MYBBP1A: variants seen among roughly 807,000 people sequenced by gnomAD.
MYBBP1A encodes myb-binding protein 1A.
Under a neutral mutation model 136.3 loss-of-function variants are expected in MYBBP1A, and 147 were observed. The observed-to-expected ratio is 1.08, with a 90% CI of 0.94 to 1.24. MYBBP1A has a LOEUF of 1.24. MYBBP1A is among the 50% of genes most tolerant of loss of function. The probability of loss-of-function intolerance (pLI) is 0.00; values close to 1 mark genes in which losing one functional copy is unlikely to be tolerated. For missense variants in MYBBP1A, 2,060 were observed against 1,727.4 expected (o/e 1.19, Z -3.41); for synonymous variants, 947 against 735.8 (o/e 1.29, Z -4.65).
chr17:4,548,772 G>C lies in MYBBP1A; in HGVS notation c.1431-123C>G. 1.4e-6 allele frequency: 2 copies of C among 1,381,592 alleles called. No homozygotes were observed. The highest frequency in any genetic ancestry group is 2.0e-6 in the Non-Finnish European group (2 of 1,011,084). The allele number at this position is 1,381,592 out of a possible 1,614,324, so 85.6% of individuals were successfully genotyped here. Reference sequence around the variant, plus strand: ...GAGGAGGAGCCGCCCTTCTGCCCTGGGTACAGTCCTCGGGGGCCTGACGGG... The same window carrying C: ...GAGGAGGAGCCGCCCTTCTGCCCTGCGTACAGTCCTCGGGGGCCTGACGGG... On this transcript the variant is annotated intron_variant, in intron 10 of 25. Coordinates refer to ENST00000254718, the MANE Select transcript of MYBBP1A (RefSeq NM_014520.4). This position sits in a 1 kb window ranked among gnomAD's most constrained non-coding sequence, Gnocchi z 4.2.
intron 3 of MYBBP1A, 36 bp downstream of exon 3, chr17:4,554,159 C>T (rs781538899): frequency 1.2e-6 from 2 of 1,612,380 alleles, no homozygotes; most frequent in Non-Finnish European, 1.7e-6. Context: ...AGCCTCCCAC[C>T]CCTGGGGCTG....
At position 4,545,627 on chromosome 17, in the gene MYBBP1A, G is replaced by A; in HGVS notation, c.2056C>T (p.Leu686=). 6.3e-7 allele frequency: 1 copy of A among 1,595,886 alleles called. No homozygotes were observed. Among genetic ancestry groups the A allele is most frequent in the East Asian group, 2.2e-5 (1 of 44,466 alleles). Residue 686 remains leucine, a synonymous_variant, in exon 15 of 26, where the codon CTG becomes TTG. Transcript: ENST00000254718. ...HICSHLTPRA[L]QLILDVLNPE... is the part of the protein sequence containing the mutation. The stretch of plus-strand genomic sequence containing the variant: ...CAACTCACATCCAGAATTAGCTGCA[G>A]GGCACGCGGGGTCAGGTGGGAGCAG...
chr17:4,550,916 TGA>T (rs1205918236), intron 8 of MYBBP1A, among the ~76,000 whole-genome samples: 4 of 152,366 alleles, frequency 2.6e-5, no homozygotes, highest in South Asian at 2.1e-4. Context: ...GTGAGTACAG[TGA>T]GACACAAAAA....
chr17:4,545,265 A>C lies in MYBBP1A; in HGVS notation c.2154T>G (p.Gly718=), dbSNP rs764604382. The C allele has an allele frequency of 8.1e-6, 13 of 1,606,436 alleles. No individual in the cohort carries two copies. In the South Asian group the frequency reaches 1.1e-4, roughly 14 times the overall value. The change falls in exon 16 of 26, where the codon GGT becomes GGG. Residue 718 remains glycine (G), a synonymous_variant. Coordinates refer to ENST00000254718, the MANE Select transcript of MYBBP1A (RefSeq NM_014520.4). ...TDDSDERRLK[G]AEDKSEEGED... is the part of the protein sequence containing the mutation. ...CGGCCCATGCTGGCAACACCTCTGC[A>C]CCCTTCAGCCGCCGCTCATCAGAAT...
Position 4,548,601 on chromosome 17 carries a change from CTGGGATG to C in MYBBP1A, c.1472_1478del (p.Thr491ArgfsTer61), listed in dbSNP as rs774070690. The C allele has an allele frequency of 3.1e-6, 5 of 1,614,220 alleles. No homozygotes were observed. In the Admixed American group the frequency reaches 5.0e-5, roughly 16 times the overall value. The stretch of plus-strand genomic sequence containing the variant: ...AGAACGGGTGCTTTGTCTCAGGGAT[CTGGGATG>C]TGGGCTTCTTTGTGACAAAGAACGA... On this transcript the variant is annotated frameshift_variant, in exon 11 of 26. Transcript: ENST00000254718. LOFTEE classifies it high-confidence loss of function. This position sits in a 1 kb window ranked among gnomAD's most constrained non-coding sequence, Gnocchi z 4.2.
At chr17:4,543,619 A>G (rs1296636582) in intron 19 of MYBBP1A, among the ~76,000 whole-genome samples, 5 of 152,102 alleles carry the variant, frequency 3.3e-5, no homozygotes, top group African/African-American at 1.2e-4. Context: ...ACTATCTGAG[A>G]AGGCGTGGCC....
At chr17:4,541,747 C>T in intron 23 of MYBBP1A, 37 bp downstream of exon 23, 1 of 1,569,952 alleles carries the variant, frequency 6.4e-7, no homozygotes, top group Non-Finnish European at 8.8e-7. Context: ...AGAACTGATT[C>T]TGAGGGGGTG....
intron 23 of MYBBP1A, 21 bp from the exon 24 acceptor site, chr17:4,541,585 T>A: frequency 6.2e-7 from 1 of 1,607,278 alleles, no homozygotes; most frequent in Non-Finnish European, 8.5e-7. Flanking sequence ...GTGGCCAGGC[T>A]GAGGCACTCC....
chr17:4,549,444 T>C lies in MYBBP1A; in HGVS notation c.1320-2A>G. ...AGCCGGAACACAGCTCGCTCAGGCC[T>C]AGCGGGGCAGGAGGCGAGGTCATGT... On this transcript the variant is annotated splice_acceptor_variant, in intron 9 of 25. Coordinates refer to ENST00000254718, the MANE Select transcript of MYBBP1A (RefSeq NM_014520.4). LOFTEE classifies it high-confidence loss of function. 6.2e-7 allele frequency: 1 copy of C among 1,612,032 alleles called. No individual in the cohort carries two copies.
Position 4,547,736 on chromosome 17 carries a change from G to C in MYBBP1A, c.1824+222C>G, listed in dbSNP as rs147171396. 11 of 476,212 alleles carry C rather than the reference G, an allele frequency of 2.3e-5. 1 individual carries two copies. Among genetic ancestry groups the C allele is most frequent in the African/African-American group, 2.0e-4 (10 of 50,704 alleles). The allele number at this position is 476,212 out of a possible 1,614,324, so 29.5% of individuals were successfully genotyped here. A position where few individuals can be genotyped will look rare whatever the true frequency, so the allele number is the denominator to read the frequency against. On this transcript the variant is annotated intron_variant, in intron 13 of 25. Transcript: ENST00000254718. Reference sequence around the variant, plus strand: ...GGGGTGTCTGCCTCAAAGCTGTGGGGATTACGAGATCCTGCATGGAAAGCC... The same window carrying C: ...GGGGTGTCTGCCTCAAAGCTGTGGGCATTACGAGATCCTGCATGGAAAGCC...
chr17:4,549,881 G>A (rs1329382187), intron 9 of MYBBP1A, among the ~76,000 whole-genome samples, 177 bp downstream of exon 9: 2 of 149,858 alleles, frequency 1.3e-5, no homozygotes, highest in African/African-American at 4.9e-5. Flanking sequence ...CATCCCGATC[G>A]CCAGTGTGGG....
intron 10 of MYBBP1A, 36 bp downstream of exon 10, chr17:4,549,296 G>T: frequency 6.3e-7 from 1 of 1,592,446 alleles, no homozygotes; most frequent in Non-Finnish European, 8.5e-7. Flanking sequence ...TTGGCCACAC[G>T]CCCATGGGAA....
rs147545597 is a variant in MYBBP1A at position 4,554,227 on chromosome 17, G to C, written c.346C>G (p.Gln116Glu). Residue 116 changes from glutamine to glutamate, a missense_variant, in exon 3 of 26, where the codon CAA becomes GAA. By Grantham distance (29) the Gln-to-Glu change is conservative (BLOSUM62 2). Coordinates refer to ENST00000254718, the MANE Select transcript of MYBBP1A (RefSeq NM_014520.4). ...ACCTGATGCAGGTCATATTTTTCTT[G>C]TATCTGCTGCAGGATGCTGCACAAG... ...LPLCSILQQI[Q>E]EKYDLHQVKK... 13 of 1,614,028 alleles carry C rather than the reference G, an allele frequency of 8.1e-6. No homozygotes were observed. Among genetic ancestry groups the C allele is most frequent in the Admixed American group, 1.7e-5 (1 of 60,010 alleles).
rs748232224 is a variant in MYBBP1A, at chr17:4,555,120, A to C, written c.198+7T>G. On this transcript the variant is annotated splice_region_variant and intron_variant, in intron 1 of 25. Coordinates refer to ENST00000254718, the MANE Select transcript of MYBBP1A (RefSeq NM_014520.4). ...CGCAGCCTCTGCCCCAGACCCCGCC[A>C]CTCCACCTTCGGCCTGCCACGCAGA... 12 of 1,582,078 alleles carry C rather than the reference A, an allele frequency of 7.6e-6. No homozygotes were observed. The highest frequency in any genetic ancestry group is 1.0e-5 in the Non-Finnish European group (12 of 1,164,168).
In MYBBP1A at chr17:4,555,366, C is replaced by A; in HGVS notation, c.-42G>T. On this transcript the variant is annotated 5_prime_UTR_variant, in exon 1 of 26. Coordinates refer to ENST00000254718, the MANE Select transcript of MYBBP1A (RefSeq NM_014520.4). ...GAAACACGAAACACGTGTGCTCCGGCCCCAGCCGCTTCCAGGTCAGGGCAC... is the reference window on the plus strand; with the variant it reads ...GAAACACGAAACACGTGTGCTCCGGACCCAGCCGCTTCCAGGTCAGGGCAC... The A allele has an allele frequency of 1.9e-6, 3 of 1,558,176 alleles. No homozygotes were observed. The highest frequency in any genetic ancestry group is 2.3e-5 in the South Asian group (2 of 85,118).
At chr17:4,543,565 G>A (rs767787253) in intron 19 of MYBBP1A, among the ~76,000 whole-genome samples, 13 of 152,140 alleles carry the variant, frequency 8.5e-5, no homozygotes, top group Non-Finnish European at 1.9e-4. Flanking sequence ...GGGGGCAAGA[G>A]GCAGGATGCT....
chr17:4,542,624 GGGA>G lies in MYBBP1A; in HGVS notation c.3007_3009del (p.Ser1003del), dbSNP rs1567604589. On this transcript the variant is annotated inframe_deletion, in exon 21 of 26. Coordinates refer to ENST00000254718, the MANE Select transcript of MYBBP1A (RefSeq NM_014520.4). ...CAGGCCCCAACACTCACCGGGTGCC[GGGA>G]GAAGAGGCTGAGGAACATGGGAACT... 2 of 1,613,984 alleles carry G rather than the reference GGGA, an allele frequency of 1.2e-6. No homozygotes were observed. The highest frequency in any genetic ancestry group is 1.7e-6 in the Non-Finnish European group (2 of 1,179,914).
chr17:4,554,306 G>A lies in MYBBP1A; in HGVS notation c.295-28C>T, dbSNP rs898462936. 11 of 1,599,838 alleles carry A rather than the reference G, an allele frequency of 6.9e-6. No homozygotes were observed. In the East Asian group the frequency reaches 1.8e-4, roughly 26 times the overall value. ...GCCAGGAGTTGTGTGGCAGGAGGAA[G>A]AGGGTTCAGGAGAGTGGCCCAACTA... On this transcript the variant is annotated intron_variant, in intron 2 of 25. Coordinates refer to ENST00000254718, the MANE Select transcript of MYBBP1A (RefSeq NM_014520.4).
chr17:4,548,571 G>A lies in MYBBP1A; in HGVS notation c.1509C>T (p.Phe503=). ...QIPETKHPFS[F]PLENQAREAV... ...CCTCTCGGGCCTGGTTTTCCAAAGG[G>A]AAGGAGAACGGGTGCTTTGTCTCAG... The change falls in exon 11 of 26, where the codon TTC becomes TTT. Residue 503 remains phenylalanine, a synonymous_variant. Coordinates refer to ENST00000254718, the MANE Select transcript of MYBBP1A (RefSeq NM_014520.4). This position sits in a 1 kb window ranked among gnomAD's most constrained non-coding sequence, Gnocchi z 4.2. The A allele has an allele frequency of 6.2e-7, 1 of 1,614,238 alleles. No homozygotes were observed. The highest frequency in any genetic ancestry group is 8.5e-7 in the Non-Finnish European group (1 of 1,180,040).
Sources: allele counts gnomAD v4.1 joint callset (sites outside exome capture counted in the v4.1 genomes callset), GRCh38; gene constraint gnomAD v4.1.1; non-coding constraint Gnocchi (gnomAD v3.1); transcripts MANE v1.5; gene names NCBI Gene and HGNC (gene_info 2026-07-23, HGNC 2026-07-21).